PIGN: variants seen among roughly 807,000 people sequenced by gnomAD.
The protein encoded by PIGN is GPI ethanolamine phosphate transferase 1.
Under a neutral mutation model 125.4 loss-of-function variants are expected in PIGN, and 117 were observed. The observed-to-expected ratio is 0.93, with a 90% CI of 0.80 to 1.09. The LOEUF (loss-of-function observed/expected upper bound fraction) is 1.09, where lower values mean the gene tolerates loss of function less well. PIGN is among the 50% of genes least tolerant of loss of function. PIGN has a pLI of 0.00. For missense variants in PIGN, 1,075 were observed against 1,094.9 expected, an observed-to-expected ratio of 0.98 and a Z score of 0.26; for synonymous variants, 392 against 377.8, an observed-to-expected ratio of 1.04 and a Z score of -0.44.
intron 1 of PIGN, among the ~76,000 whole-genome samples, chr18:62,172,546 A>G (rs188136455): frequency 6.6e-6 from 1 of 152,260 alleles, no homozygotes; most frequent in Non-Finnish European, 1.5e-5. Context: ...TTAACTTATA[A>G]GTACATTAAG....
At chr18:62,126,607 A>G (rs2035544546) in intron 14 of PIGN, among the ~76,000 whole-genome samples, 2 of 152,174 alleles carry the variant, frequency 1.3e-5, no homozygotes, top group Non-Finnish European at 2.9e-5. Context: ...CAATATTAGC[A>G]CTTCCTACGC....
At chr18:62,164,051 T>C (rs1393642104) in intron 1 of PIGN, among the ~76,000 whole-genome samples, 1 of 152,220 alleles carries the variant, frequency 6.6e-6, no homozygotes, top group Non-Finnish European at 1.5e-5. Context: ...TGCATGTATA[T>C]ACCATGTTTT....
intron 23 of PIGN, among the ~76,000 whole-genome samples, chr18:62,023,009 G>A (rs1371441578): frequency 6.6e-6 from 1 of 152,182 alleles, no homozygotes; most frequent in African/African-American, 2.4e-5. Context: ...GTATTGTTCA[G>A]GGAATAATGA....
chr18:62,073,344 T>C (rs2032998302), intron 29 of PIGN, among the ~76,000 whole-genome samples: 1 of 152,078 alleles, frequency 6.6e-6, no homozygotes, highest in South Asian at 2.1e-4. Context: ...AGGAGTCAGA[T>C]GAAAGGAGGT....
rs1555669074 is a variant in PIGN, at chr18:62,041,640, G to GGTGTGTTT, written c.*4215_*4216insAAACACAC. ...ATTACAGGAGCCTACCACCCCGCCG[G>GGTGTGTTT]GTGTGTGTGTGTGTGTGTGTGTGTG... On this transcript the variant is annotated 3_prime_UTR_variant, in exon 31 of 31. Coordinates refer to ENST00000640252, the MANE Select transcript of PIGN (RefSeq NM_176787.5). 9.3e-4 allele frequency: 72 copies of GGTGTGTTT among 77,540 alleles called. No homozygotes were observed. The highest frequency in any genetic ancestry group is 3.7e-3 in the African/African-American group (69 of 18,492). 4.8% of individuals were successfully genotyped at this position (77,540 alleles called of 1,614,324 possible). A position where few individuals can be genotyped will look rare whatever the true frequency, so the allele number is the denominator to read the frequency against.
chr18:62,148,204 A>G lies in PIGN; in HGVS notation c.674+10T>C. 6.5e-7 allele frequency: 1 copy of G among 1,529,276 alleles called. No homozygotes were observed. The highest frequency in any genetic ancestry group is 8.8e-7 in the Non-Finnish European group (1 of 1,137,102). The allele number at this position is 1,529,276 out of a possible 1,614,324, so 94.7% of individuals were successfully genotyped here. A position where few individuals can be genotyped will look rare whatever the true frequency, so the allele number is the denominator to read the frequency against. On this transcript the variant is annotated intron_variant, in intron 8 of 30. Coordinates refer to ENST00000640252, the MANE Select transcript of PIGN (RefSeq NM_176787.5). ...CCTAAAAAATACAATTAAACACAAT[A>G]TTAAATTACCTCGAGGATGGTCGAT... is the stretch of plus-strand genomic sequence containing the variant.
intron 28 of PIGN, among the ~76,000 whole-genome samples, chr18:62,076,393 A>G (rs995132464): frequency 3.9e-5 from 6 of 152,168 alleles, no homozygotes; most frequent in African/African-American, 1.4e-4. Context: ...TATTCTAGAT[A>G]CTAGTCTTTT....
intron 23 of PIGN, among the ~76,000 whole-genome samples, chr18:62,018,865 T>TAC (rs142185819): frequency 2.9e-4 from 44 of 150,914 alleles, no homozygotes; most frequent in African/African-American, 5.3e-4. Flanking sequence ...CGCACACACA[T>TAC]ACACACACAC....
At chr18:62,028,634 G>A (rs901841005) in intron 23 of PIGN, among the ~76,000 whole-genome samples, 2 of 152,164 alleles carry the variant, frequency 1.3e-5, no homozygotes, top group African/African-American at 2.4e-5. Flanking sequence ...TAACAGTTCT[G>A]AGCAAGATGC....
At chr18:62,116,081 G>A (rs2035076737) in intron 14 of PIGN, among the ~76,000 whole-genome samples, 1 of 152,184 alleles carries the variant, frequency 6.6e-6, no homozygotes, top group Admixed American at 6.5e-5. Flanking sequence ...ACTGGGATTT[G>A]GAGGGAAAAG....
chr18:62,130,546 A>G (rs567287112), intron 14 of PIGN, among the ~76,000 whole-genome samples: 15 of 152,214 alleles, frequency 9.9e-5, no homozygotes, highest in African/African-American at 3.4e-4. Flanking sequence ...GTTAAAAAAA[A>G]AGAGAGAAAT....
chr18:62,111,410 TA>T (rs1248528632), intron 16 of PIGN, among the ~76,000 whole-genome samples: 2 of 152,174 alleles, frequency 1.3e-5, no homozygotes, highest in African/African-American at 4.8e-5. Context: ...TTCTGACTGT[TA>T]AACTCCCACC....
rs2034603122 is a variant in PIGN at position 62,105,533 on chromosome 18, T to C, written c.1859+10A>G. ...ATTGAAAATAGAATAAAATACAATA[T>C]TATTCATACACTAGAGAGATGTCTG... On this transcript the variant is annotated intron_variant, in intron 20 of 30. Coordinates refer to ENST00000640252, the MANE Select transcript of PIGN (RefSeq NM_176787.5). 1 of 1,435,026 alleles carries C rather than the reference T, an allele frequency of 7.0e-7. No homozygotes were observed. Among genetic ancestry groups the C allele is most frequent in the African/African-American group, 1.4e-5 (1 of 70,906 alleles). 88.9% of individuals were successfully genotyped at this position (1,435,026 alleles called of 1,614,324 possible).
At chr18:62,087,355 G>A (rs1253692752) in intron 25 of PIGN, among the ~76,000 whole-genome samples, 1 of 152,200 alleles carries the variant, frequency 6.6e-6, no homozygotes, top group Non-Finnish European at 1.5e-5. Context: ...AGATTTGAGT[G>A]ATCAGGAAGC....
At chr18:62,076,133 A>G (rs1331020513) in intron 28 of PIGN, 1 of 152,198 alleles carries the variant, frequency 6.6e-6, no homozygotes, top group Non-Finnish European at 1.5e-5. Context: ...ACGGGGTTAC[A>G]CCATGTTGGT....
rs2146901245 is a variant in PIGN, at chr18:62,126,460, A to C, written c.1172+11783T>G. 1.3e-5 allele frequency among the ~76,000 whole-genome samples: 2 copies of C among 152,284 alleles called. 1 individual carries two copies. The highest frequency in any genetic ancestry group is 4.1e-4 in the South Asian group (2 of 4,830). On this transcript the variant is annotated intron_variant, in intron 14 of 30. Transcript: ENST00000640252. ...AGCAAAAGAACTAGTGTAAACTATG[A>C]TCAAGGAACATAAAAATCACTGTAA...
At chr18:62,118,955 C>T (rs2035193593) in intron 14 of PIGN, among the ~76,000 whole-genome samples, 1 of 150,218 alleles carries the variant, frequency 6.7e-6, no homozygotes, top group South Asian at 2.1e-4. Context: ...GAAGAATGTC[C>T]CTGAAAAGCA....
intron 14 of PIGN, among the ~76,000 whole-genome samples, chr18:62,116,796 A>G (rs2035102346): frequency 6.6e-6 from 1 of 152,188 alleles, no homozygotes; most frequent in Non-Finnish European, 1.5e-5. Context: ...TAAAAAAGGA[A>G]GAAAAATAAG....
intron 23 of PIGN, among the ~76,000 whole-genome samples, chr18:62,032,341 T>C (rs1909810765): frequency 6.6e-6 from 1 of 152,212 alleles, no homozygotes; most frequent in Non-Finnish European, 1.5e-5. Flanking sequence ...CCTTTAATGC[T>C]GATTAAAAGA....
Sources: allele counts gnomAD v4.1 joint callset (sites outside exome capture counted in the v4.1 genomes callset), GRCh38; gene constraint gnomAD v4.1.1; transcripts MANE v1.5; gene names NCBI Gene and HGNC (gene_info 2026-07-23, HGNC 2026-07-21).